Variants in CTNNA2 observed in about 807,000 individuals in gnomAD.
The protein encoded by CTNNA2 is catenin alpha 2, also known as catenin alpha-2.
A neutral mutation model predicts 101.0 loss-of-function variants in CTNNA2; 42 were observed. That is an observed-to-expected ratio of 0.42 (90% confidence interval 0.32 to 0.54). The LOEUF is 0.54. Among genes scored for constraint, CTNNA2 ranks in the 20% least tolerant of loss-of-function variants. The pLI is 0.14. For missense variants in CTNNA2, 871 were observed against 1,223.1 expected, an observed-to-expected ratio of 0.71 and a Z score of 4.29; for synonymous variants, 450 against 456.4, an observed-to-expected ratio of 0.99 and a Z score of 0.18.
At chr2:80,597,250 T>C (rs541002292) in intron 15 of CTNNA2, among the ~76,000 whole-genome samples, 404 of 152,276 alleles carry the variant, frequency 2.7e-3, no homozygotes, top group African/African-American at 9.6e-3. Flanking sequence ...GAAAACTGGC[T>C]AGCCATATGC....
chr2:80,348,229 T>G (rs749755341), intron 7 of CTNNA2, among the ~76,000 whole-genome samples: 1 of 152,208 alleles, frequency 6.6e-6, no homozygotes, highest in Non-Finnish European at 1.5e-5. Flanking sequence ...ACAAGTAAGT[T>G]ATCTATTTAG....
intron 3 of CTNNA2, among the ~76,000 whole-genome samples, chr2:79,348,871 G>A (rs555006989): frequency 6.6e-6 from 1 of 152,104 alleles, no homozygotes; most frequent in African/African-American, 2.4e-5. Context: ...TCTTTACTTT[G>A]ATCATGGTTA....
intron 7 of CTNNA2, among the ~76,000 whole-genome samples, chr2:80,212,198 A>G (rs1707937085): frequency 6.6e-6 from 1 of 152,164 alleles, no homozygotes; most frequent in African/African-American, 2.4e-5. Flanking sequence ...TCCTAATTGA[A>G]TACCCTTTAT....
intron 5 of CTNNA2, among the ~76,000 whole-genome samples, chr2:79,507,982 G>A (rs1296387481): frequency 6.6e-6 from 1 of 152,206 alleles, no homozygotes; most frequent in Non-Finnish European, 1.5e-5. Flanking sequence ...GGGCTGAGCA[G>A]CTGTAATTTT....
At chr2:80,405,565 C>G (rs1274491908) in intron 8 of CTNNA2, among the ~76,000 whole-genome samples, 1 of 152,114 alleles carries the variant, frequency 6.6e-6, no homozygotes, top group Non-Finnish European at 1.5e-5. Context: ...CTTCCTTATG[C>G]CATTCATATC....
chr2:79,387,376 G>A (rs188532363), intron 4 of CTNNA2, among the ~76,000 whole-genome samples: 8 of 152,200 alleles, frequency 5.3e-5, no homozygotes, highest in East Asian at 1.9e-4. Flanking sequence ...AGATTAGCTC[G>A]TCAGGGAATC....
chr2:80,150,426 C>T (rs936086616), intron 7 of CTNNA2, among the ~76,000 whole-genome samples: 4 of 152,122 alleles, frequency 2.6e-5, no homozygotes, highest in African/African-American at 9.7e-5. Context: ...GGTCTCACAT[C>T]CTCCCACTCA....
chr2:79,514,909 A>C (rs959444652), intron 1 of CTNNA2, among the ~76,000 whole-genome samples: 1 of 152,272 alleles, frequency 6.6e-6, no homozygotes, highest in South Asian at 2.1e-4. Context: ...TTTTCATTTA[A>C]ATTATTATAT....
chr2:79,554,193 A>G (rs1450360646), intron 1 of CTNNA2, among the ~76,000 whole-genome samples: 3 of 152,016 alleles, frequency 2.0e-5, no homozygotes, highest in Non-Finnish European at 2.9e-5. Context: ...TCAATACCTG[A>G]TGGCACATGA....
At chr2:79,773,314 C>G (rs1673725107) in intron 3 of CTNNA2, among the ~76,000 whole-genome samples, 1 of 152,134 alleles carries the variant, frequency 6.6e-6, no homozygotes, top group Non-Finnish European at 1.5e-5. Flanking sequence ...GGATGCACTC[C>G]CATGACACTG....
chr2:79,289,205 A>C (rs1447623214), intron 2 of CTNNA2, among the ~76,000 whole-genome samples: 1 of 152,184 alleles, frequency 6.6e-6, no homozygotes, highest in Non-Finnish European at 1.5e-5. Flanking sequence ...CCACCTCCTC[A>C]GTCTCACACA....
In CTNNA2 at chr2:79,599,591, A is replaced by G. The variant is rs114301134; in HGVS notation, c.-5-51961A>G. ...AAATAGAATTATATCTTTGAACTGA[A>G]TGTCCTTCTTCAGCATTCTTTAATA... On this transcript the variant is annotated intron_variant, in intron 1 of 18. Transcript: ENST00000402739. Among the ~76,000 whole-genome samples the G allele has an allele frequency of 4.1e-3, 629 of 152,252 alleles. 5 individuals carry two copies. Among genetic ancestry groups the G allele is most frequent in the African/African-American group, 0.014 (592 of 41,562 alleles).
chr2:79,345,108 TA>T (rs5832381), intron 3 of CTNNA2, among the ~76,000 whole-genome samples: 107,445 of 146,998 alleles, frequency 0.73, 39,337 homozygotes, highest in South Asian at 0.78. Flanking sequence ...TGTTTTTTTT[TA>T]AAAAAAAAAG....
intron 5 of CTNNA2, among the ~76,000 whole-genome samples, chr2:79,505,965 G>C (rs988095236): frequency 6.6e-6 from 1 of 152,178 alleles, no homozygotes; most frequent in African/African-American, 2.4e-5. Context: ...ATGTGCCAGA[G>C]CTTTTGAATA....
chr2:80,002,011 C>T (rs1009537938), intron 7 of CTNNA2, among the ~76,000 whole-genome samples: 19 of 152,168 alleles, frequency 1.2e-4, no homozygotes, highest in African/African-American at 4.1e-4. Flanking sequence ...CAAGTTATCT[C>T]GTTACCACAC....
At chr2:80,542,726 G>A (rs868565096) in intron 9 of CTNNA2, among the ~76,000 whole-genome samples, 5 of 151,944 alleles carry the variant, frequency 3.3e-5, no homozygotes, top group South Asian at 4.2e-4. Flanking sequence ...GGGATGGTAC[G>A]GGGCAAAAAC....
chr2:80,436,205 A>T (rs1336693782), intron 9 of CTNNA2, among the ~76,000 whole-genome samples: 1 of 152,158 alleles, frequency 6.6e-6, no homozygotes, highest in African/African-American at 2.4e-5. Context: ...GTGTTCAAGT[A>T]TATCAAGGGA....
At chr2:79,599,617 A>C (rs1677420374) in intron 1 of CTNNA2, among the ~76,000 whole-genome samples, 1 of 152,144 alleles carries the variant, frequency 6.6e-6, no homozygotes, top group African/African-American at 2.4e-5. Context: ...TTCTTTAATA[A>C]AATTGGAGTA....
chr2:80,436,280 G>A (rs954280314), intron 9 of CTNNA2, among the ~76,000 whole-genome samples: 3 of 152,148 alleles, frequency 2.0e-5, no homozygotes, highest in Non-Finnish European at 4.4e-5. Flanking sequence ...ATTGTTCTAT[G>A]TGTGCCCCCA....
Sources: gnomAD v4.1 joint callset for allele counts (sites outside exome capture counted in the v4.1 genomes callset) on GRCh38, gnomAD v4.1.1 for gene constraint, MANE v1.5 for transcripts, NCBI Gene and HGNC (gene_info 2026-07-23, HGNC 2026-07-21) for gene names.